The following SYNPR variants were observed in gnomAD, a reference collection of about 807,000 sequenced individuals.
The protein encoded by SYNPR is synaptoporin.
SYNPR carries 23 observed loss-of-function variants against 32.9 expected under a neutral mutation model. The ratio of observed to expected loss-of-function variants is 0.70; its 90% CI spans 0.50 to 0.99. The LOEUF (loss-of-function observed/expected upper bound fraction) is 0.99, where lower values mean the gene tolerates loss of function less well. SYNPR is among the 50% of genes least tolerant of loss of function. The pLI, the probability that SYNPR is intolerant of heterozygous loss-of-function variation, is 0.00. For missense variants in SYNPR, 318 were observed against 349.3 expected, an observed-to-expected ratio of 0.91 and a Z score of 0.71; for synonymous variants, 146 against 135.9, an observed-to-expected ratio of 1.07 and a Z score of -0.52.
At chr3:63,211,047 A>G in the SYNPR span, among the ~76,000 whole-genome samples, 1 of 152,132 alleles carries the variant, frequency 6.6e-6, no homozygotes, top group Non-Finnish European at 1.5e-5. Context: ...TCTATAAATT[A>G]GGCTGTTGGG....
chr3:63,398,502 C>T (rs1321269634), intron 2 of SYNPR, among the ~76,000 whole-genome samples: 4 of 151,166 alleles, frequency 2.6e-5, no homozygotes, highest in South Asian at 2.1e-4. Context: ...GGGCAGATCA[C>T]GAGGTCAGGA....
At chr3:63,537,526 G>A (rs1702231155) in intron 3 of SYNPR, among the ~76,000 whole-genome samples, 1 of 152,108 alleles carries the variant, frequency 6.6e-6, no homozygotes, top group South Asian at 2.1e-4. Context: ...GCTTCTTGAA[G>A]CATTTGTCTT....
At chr3:63,303,774 T>C (rs1401478845) in intron 2 of SYNPR, among the ~76,000 whole-genome samples, 1 of 152,074 alleles carries the variant, frequency 6.6e-6, no homozygotes, top group East Asian at 1.9e-4. Flanking sequence ...AAATTTATTA[T>C]CACTTCATAA....
chr3:63,312,129 TA>T (rs2086972456), intron 2 of SYNPR, among the ~76,000 whole-genome samples: 1 of 152,014 alleles, frequency 6.6e-6, no homozygotes, highest in African/African-American at 2.4e-5. Flanking sequence ...TCATAATAAA[TA>T]ATTCTAACAA....
chr3:63,616,640 T>G lies in SYNPR; in HGVS notation c.*1159T>G, dbSNP rs1435201671. 1 of 152,664 alleles carries G rather than the reference T, an allele frequency of 6.6e-6. No homozygotes were observed. Among genetic ancestry groups the G allele is most frequent in the African/African-American group, 2.4e-5 (1 of 41,464 alleles). 9.5% of individuals were successfully genotyped at this position (152,664 alleles called of 1,614,324 possible). A position where few individuals can be genotyped will look rare whatever the true frequency, so the allele number is the denominator to read the frequency against. ...CCCCAAAGAGAGTTCTCATGAAATA[T>G]TCTCCAGAATGTATTCATTATCAAG... On this transcript the variant is annotated 3_prime_UTR_variant, in exon 6 of 6. Transcript: ENST00000478300.
In SYNPR at chr3:63,402,106, G is replaced by C. The variant is rs549016637; in HGVS notation, c.85-78726G>C. Reference sequence around the variant, plus strand: ...AAGAGCAATGTTGCAGAGGAAGGAGGCCCTGCAGCCAGAAGGAGGAAGGAG... The same window carrying C: ...AAGAGCAATGTTGCAGAGGAAGGAGCCCCTGCAGCCAGAAGGAGGAAGGAG... On this transcript the variant is annotated intron_variant, in intron 2 of 5. Transcript: ENST00000478300. 8.5e-5 allele frequency among the ~76,000 whole-genome samples: 13 copies of C among 152,256 alleles called. 1 individual carries two copies. Among genetic ancestry groups the C allele is most frequent in the East Asian group, 1.9e-4 (1 of 5,168 alleles).
chr3:63,272,168 AT>A (rs2086542840), intron 3 of SYNPR, among the ~76,000 whole-genome samples: 1 of 152,206 alleles, frequency 6.6e-6, no homozygotes, highest in Non-Finnish European at 1.5e-5. Flanking sequence ...ACATTAACTC[AT>A]CTGCTGCCAG....
chr3:63,503,506 A>G (rs1204124893), intron 3 of SYNPR, among the ~76,000 whole-genome samples: 1 of 152,134 alleles, frequency 6.6e-6, no homozygotes, highest in Admixed American at 6.6e-5. Flanking sequence ...TTTTGAACAG[A>G]AAACAGTAGC....
chr3:63,352,046 C>T (rs897656522), intron 2 of SYNPR, among the ~76,000 whole-genome samples: 2 of 151,952 alleles, frequency 1.3e-5, no homozygotes, highest in Non-Finnish European at 2.9e-5. Context: ...AGAAGCCAGC[C>T]CTGTGAAGAC....
rs1700344824 is a variant in SYNPR at position 63,449,738 on chromosome 3, G to A, written c.85-31094G>A. Among the ~76,000 whole-genome samples, 3 of 152,178 alleles carry A rather than the reference G, an allele frequency of 2.0e-5. No individual in the cohort carries two copies. In the South Asian group the frequency reaches 6.2e-4, roughly 31 times the overall value. On this transcript the variant is annotated intron_variant, in intron 2 of 5. Transcript: ENST00000478300. ...TAGTGCCATTTGCCAACAAAGACAA[G>A]TAAGGCATCTCTAAGTCCTTTTACT...
intron 3 of SYNPR, among the ~76,000 whole-genome samples, chr3:63,512,870 G>A (rs9990334): frequency 0.36 from 54,180 of 151,928 alleles, 9,893 homozygotes; most frequent in Non-Finnish European, 0.41. Context: ...AACTAATACG[G>A]GGTTCAAAAG....
At chr3:63,420,077 A>G (rs1446049052) in intron 2 of SYNPR, among the ~76,000 whole-genome samples, 1 of 152,202 alleles carries the variant, frequency 6.6e-6, no homozygotes, top group Non-Finnish European at 1.5e-5. Context: ...AAAGAAGACA[A>G]GAAAAATGGC....
At chr3:63,520,311 C>T (rs1006889513) in intron 3 of SYNPR, among the ~76,000 whole-genome samples, 4 of 152,166 alleles carry the variant, frequency 2.6e-5, no homozygotes, top group Non-Finnish European at 5.9e-5. Context: ...TCCTGATTGT[C>T]TAACCATCTT....
chr3:63,376,690 C>A (rs2087899982), intron 2 of SYNPR, among the ~76,000 whole-genome samples: 1 of 152,070 alleles, frequency 6.6e-6, no homozygotes, highest in Non-Finnish European at 1.5e-5. Flanking sequence ...AAGGCTCTTT[C>A]TTCTCATTCA....
rs1047303866 is a variant in SYNPR, at chr3:63,616,032, C to T, written c.*551C>T. ...GTGCATGAATAAGCATTTTCCCACA[C>T]AATGAACATTTGAACTGTGTTTATG... On this transcript the variant is annotated 3_prime_UTR_variant, in exon 6 of 6. Coordinates refer to ENST00000478300, the MANE Select transcript of SYNPR (RefSeq NM_001130003.2). 6.6e-6 allele frequency: 1 copy of T among 152,226 alleles called. No individual in the cohort carries two copies. Among genetic ancestry groups the T allele is most frequent in the Non-Finnish European group, 1.5e-5 (1 of 68,074 alleles). 9.4% of individuals were successfully genotyped at this position (152,226 alleles called of 1,614,324 possible). A position where few individuals can be genotyped will look rare whatever the true frequency, so the allele number is the denominator to read the frequency against.
rs1182032745 is a variant in SYNPR, at chr3:63,615,685, A to G, written c.*204A>G. The G allele has an allele frequency of 1.7e-6, 1 of 604,310 alleles. No individual in the cohort carries two copies. Among genetic ancestry groups the G allele is most frequent in the Non-Finnish European group, 2.7e-6 (1 of 364,328 alleles). 37.4% of individuals were successfully genotyped at this position (604,310 alleles called of 1,614,324 possible). A position where few individuals can be genotyped will look rare whatever the true frequency, so the allele number is the denominator to read the frequency against. ...GGCGACATGAGGAGATATATTATTC[A>G]TCATAGATGGCTAATTGGAGAGTAC... On this transcript the variant is annotated 3_prime_UTR_variant, in exon 6 of 6. Transcript: ENST00000478300.
upstream of SYNPR, chr3:63,278,248 T>C: frequency 2.5e-6 from 1 of 400,854 alleles, no homozygotes; most frequent in East Asian, 4.2e-5. Context: ...AGCCTTCCCC[T>C]GGCTCCATGG....
At chr3:63,323,059 A>G (rs2106970821) in intron 2 of SYNPR, among the ~76,000 whole-genome samples, 1 of 152,136 alleles carries the variant, frequency 6.6e-6, no homozygotes, top group Middle Eastern at 3.4e-3. Context: ...CTTTTTCAAG[A>G]TTCAGAAAAG....
intron 2 of SYNPR, among the ~76,000 whole-genome samples, chr3:63,392,475 C>A (rs2088151443): frequency 6.6e-6 from 1 of 152,150 alleles, no homozygotes; most frequent in Admixed American, 6.5e-5. Context: ...TGTTATCTTT[C>A]TCACCCACCT....
Sources: gnomAD v4.1 joint callset for allele counts (sites outside exome capture counted in the v4.1 genomes callset) on GRCh38, gnomAD v4.1.1 for gene constraint, MANE v1.5 for transcripts, NCBI Gene and HGNC (gene_info 2026-07-23, HGNC 2026-07-21) for gene names.